MATN2: variants seen among roughly 807,000 people sequenced by gnomAD.
MATN2 encodes matrilin 2.
Under a neutral mutation model 103.2 loss-of-function variants are expected in MATN2, and 69 were observed. The observed-to-expected ratio is 0.67, with a 90% CI of 0.55 to 0.82. The LOEUF (loss-of-function observed/expected upper bound fraction) is 0.82, where lower values mean the gene tolerates loss of function less well. Among genes scored for constraint, MATN2 ranks in the 40% least tolerant of loss-of-function variants. The probability of loss-of-function intolerance (pLI) is 0.00; values close to 1 mark genes in which losing one functional copy is unlikely to be tolerated. For missense variants in MATN2, 1,023 were observed against 1,211.5 expected (o/e 0.84, Z 2.31); for synonymous variants, 429 against 450.2 (o/e 0.95, Z 0.60).
At chr8:97,901,920 C>T (rs1241212460) in intron 2 of MATN2, among the ~76,000 whole-genome samples, 1 of 152,154 alleles carries the variant, frequency 6.6e-6, no homozygotes, top group Non-Finnish European at 1.5e-5. Context: ...CTATTTTGGT[C>T]ATTGATATCT....
At chr8:97,969,619 G>C (rs916374899) in intron 5 of MATN2, among the ~76,000 whole-genome samples, 2 of 152,174 alleles carry the variant, frequency 1.3e-5, no homozygotes, top group African/African-American at 4.8e-5. Flanking sequence ...GGCTGGGGGA[G>C]AGAAAGAAGA....
At chr8:97,916,041 T>TTTTTATTTTA (rs141785984) in intron 2 of MATN2, among the ~76,000 whole-genome samples, 29,338 of 145,174 alleles carry the variant, frequency 0.2, 3,721 homozygotes, top group Non-Finnish European at 0.28. Context: ...CTGGCTATGG[T>TTTTTATTTTA]TTTTATTTTA....
chr8:97,942,046 C>T, intron 4 of MATN2, 147 bp downstream of exon 4: 1 of 982,580 alleles, frequency 1.0e-6, no homozygotes, highest in South Asian at 1.6e-5. Context: ...TTGGTATTTT[C>T]TGTTGACCCC....
Position 97,961,068 on chromosome 8 carries a change from G to A in MATN2, c.836-340G>A, listed in dbSNP as rs1307499428. 5.9e-5 allele frequency among the ~76,000 whole-genome samples: 9 copies of A among 152,264 alleles called. No homozygotes were observed. In the South Asian group the frequency reaches 1.0e-3, roughly 18 times the overall value. ...GACCTCAAGTGATCCGCCCACCTCG[G>A]CCTCCCATAGTGCTGGAATTACAGG... is the stretch of plus-strand genomic sequence containing the variant. On this transcript the variant is annotated intron_variant, in intron 4 of 18. Transcript: ENST00000254898.
chr8:97,933,485 T>C (rs1321242741), intron 3 of MATN2, among the ~76,000 whole-genome samples: 1 of 152,096 alleles, frequency 6.6e-6, no homozygotes, highest in Non-Finnish European at 1.5e-5. Context: ...GATAACATGA[T>C]AAGGCTGAGG....
chr8:98,035,660 A>G lies in MATN2; in HGVS notation c.2819A>G (p.Glu940Gly), dbSNP rs536206055. The G allele has an allele frequency of 1.3e-6, 2 of 1,572,886 alleles. No homozygotes were observed. Among genetic ancestry groups the G allele is most frequent in the East Asian group, 2.3e-5 (1 of 44,350 alleles). ...EEVRKLTQRL[E>G]EMTQRMEALE... is the part of the protein sequence containing the mutation. Reference sequence around the variant, plus strand: ...TCTTCCTTAATTTGAGATTTACTAGAAGAAATGACACAGAGAATGGAAGCC... The same window carrying G: ...TCTTCCTTAATTTGAGATTTACTAGGAGAAATGACACAGAGAATGGAAGCC... The change falls in exon 19 of 19, where the codon GAA (glutamate) becomes GGA (glycine). Residue 940 changes from glutamate to glycine, a missense_variant. Physicochemically the swap from Glu to Gly is moderately conservative, Grantham distance 98 (BLOSUM62 -2). Transcript: ENST00000254898.
chr8:97,931,563 A>G lies in MATN2; in HGVS notation c.712+41A>G. The G allele has an allele frequency of 6.6e-7, 1 of 1,513,824 alleles. No homozygotes were observed. The highest frequency in any genetic ancestry group is 2.3e-5 in the East Asian group (1 of 44,272). 93.8% of individuals were successfully genotyped at this position (1,513,824 alleles called of 1,614,324 possible). A position where few individuals can be genotyped will look rare whatever the true frequency, so the allele number is the denominator to read the frequency against. ...TTGTCACTCTTCTAGAGGAACCACT[A>G]GAATTCATTCATTCATCTTCAAGTG... On this transcript the variant is annotated intron_variant, in intron 3 of 18. Coordinates refer to ENST00000254898, the MANE Select transcript of MATN2 (RefSeq NM_002380.5). This position sits in a 1 kb window ranked among gnomAD's most constrained non-coding sequence, Gnocchi z 4.1.
At chr8:98,034,120 T>C (rs1340982899) in intron 18 of MATN2, 2 of 455,228 alleles carry the variant, frequency 4.4e-6, no homozygotes, top group African/African-American at 4.0e-5. Context: ...ATAGATTCAG[T>C]GTGTTTAGTT....
intron 1 of MATN2, among the ~76,000 whole-genome samples, chr8:97,879,944 C>T (rs1184069897): frequency 1.3e-5 from 2 of 152,200 alleles, no homozygotes; most frequent in Non-Finnish European, 2.9e-5. Flanking sequence ...GCCTGAAATT[C>T]ACACAGCTCC....
chr8:97,993,548 T>C (rs908342903), intron 6 of MATN2, among the ~76,000 whole-genome samples: 10 of 152,190 alleles, frequency 6.6e-5, no homozygotes, highest in African/African-American at 7.2e-5. Flanking sequence ...AATTTCATTA[T>C]GAAAAATTTC....
chr8:98,014,717 C>A (rs953826653), intron 10 of MATN2, among the ~76,000 whole-genome samples: 4 of 152,172 alleles, frequency 2.6e-5, no homozygotes, highest in Non-Finnish European at 5.9e-5. Flanking sequence ...GCCTTCCCAA[C>A]CCTTAGTTTC....
intron 2 of MATN2, among the ~76,000 whole-genome samples, chr8:97,899,868 T>G (rs1036556513): frequency 1.3e-5 from 2 of 152,226 alleles, no homozygotes; most frequent in African/African-American, 4.8e-5. Flanking sequence ...TTTTCCTTTC[T>G]GATTCACTTT....
chr8:97,874,336 G>C (rs1301967252), intron 1 of MATN2, among the ~76,000 whole-genome samples: 1 of 151,946 alleles, frequency 6.6e-6, no homozygotes, highest in East Asian at 1.9e-4. Flanking sequence ...AGCCAGCAAT[G>C]TCAGGCTGCA....
chr8:97,959,554 A>G (rs138504266), intron 4 of MATN2, among the ~76,000 whole-genome samples: 1 of 152,346 alleles, frequency 6.6e-6, no homozygotes, highest in East Asian at 1.9e-4. Context: ...TGGAGTTCTC[A>G]ATTGGAAATG....
At chr8:97,907,936 G>C (rs2130057767) in intron 2 of MATN2, among the ~76,000 whole-genome samples, 1 of 152,210 alleles carries the variant, frequency 6.6e-6, no homozygotes, top group East Asian at 1.9e-4. Flanking sequence ...CGAGGAGTTT[G>C]AGACCAGCCT....
chr8:97,913,361 TTGGAG>T (rs1809514234), intron 2 of MATN2, among the ~76,000 whole-genome samples: 1 of 150,444 alleles, frequency 6.6e-6, no homozygotes, highest in Non-Finnish European at 1.5e-5. Flanking sequence ...GTTGCCTAGG[TTGGAG>T]TGCAGTGGCA....
chr8:97,979,048 TG>T, intron 6 of MATN2, 40 bp downstream of exon 6: 1 of 1,575,064 alleles, frequency 6.3e-7, no homozygotes, highest in South Asian at 1.2e-5. Context: ...AAATATTTGC[TG>T]TTACTGCTGT....
chr8:97,900,792 G>A (rs759401408), intron 2 of MATN2, among the ~76,000 whole-genome samples: 26 of 152,092 alleles, frequency 1.7e-4, no homozygotes, highest in Non-Finnish European at 2.4e-4. Context: ...AAAATTAGAC[G>A]GGTGTGGTGG....
At chr8:98,024,585 C>T (rs1261670327) in intron 13 of MATN2, among the ~76,000 whole-genome samples, 1 of 152,176 alleles carries the variant, frequency 6.6e-6, no homozygotes, top group Non-Finnish European at 1.5e-5. Context: ...AAAGATGGGG[C>T]TTTCGTGGTA....
Sources: allele counts gnomAD v4.1 joint callset (sites outside exome capture counted in the v4.1 genomes callset), GRCh38; gene constraint gnomAD v4.1.1; non-coding constraint Gnocchi (gnomAD v3.1); transcripts MANE v1.5; gene names NCBI Gene and HGNC (gene_info 2026-07-23, HGNC 2026-07-21).